DGCR2: variants seen among roughly 807,000 people sequenced by gnomAD.
DGCR2 encodes integral membrane protein DGCR2/IDD.
In DGCR2, 24 loss-of-function variants were observed where a neutral mutation model predicts 51.6. The observed-to-expected ratio is 0.47, with a 90% CI of 0.34 to 0.65. The LOEUF is 0.65. Among genes scored for constraint, DGCR2 ranks in the 30% least tolerant of loss-of-function variants. The pLI is 0.01. For missense variants in DGCR2, 765 were observed against 772.1 expected (o/e 0.99, Z 0.11); for synonymous variants, 340 against 315.4 (o/e 1.08, Z -0.82).
intron 3 of DGCR2, among the ~76,000 whole-genome samples, chr22:19,065,597 G>A (rs977339391): frequency 8.5e-5 from 13 of 152,054 alleles, no homozygotes; most frequent in East Asian, 1.9e-4. Flanking sequence ...TCCCACAGCC[G>A]AAAAAAATAA....
chr22:19,088,721 A>G (rs1282769275), intron 2 of DGCR2, among the ~76,000 whole-genome samples: 1 of 152,196 alleles, frequency 6.6e-6, no homozygotes, highest in African/African-American at 2.4e-5. Context: ...ACACACATGC[A>G]CAAGTACTCA....
chr22:19,117,159 C>T (rs1018245000), intron 1 of DGCR2, among the ~76,000 whole-genome samples: 41 of 152,190 alleles, frequency 2.7e-4, no homozygotes, highest in African/African-American at 8.9e-4. Flanking sequence ...AGGACACCTG[C>T]ACAAACAAAT....
At chr22:19,079,444 A>G (rs910351927) in intron 2 of DGCR2, among the ~76,000 whole-genome samples, 2 of 152,224 alleles carry the variant, frequency 1.3e-5, no homozygotes, top group Non-Finnish European at 2.9e-5. Context: ...CAGAGCTTCT[A>G]TAAAGTTATT....
intron 2 of DGCR2, among the ~76,000 whole-genome samples, chr22:19,069,020 A>G (rs1329026831): frequency 6.6e-6 from 1 of 152,198 alleles, no homozygotes; most frequent in Non-Finnish European, 1.5e-5. Flanking sequence ...GGAGTGACTT[A>G]CCCAAGGCCA....
At chr22:19,104,133 T>C (rs1393114707) in intron 1 of DGCR2, among the ~76,000 whole-genome samples, 1 of 152,092 alleles carries the variant, frequency 6.6e-6, no homozygotes, top group Non-Finnish European at 1.5e-5. Context: ...ACCTTATGCT[T>C]GTGAGGATGA....
chr22:19,067,420 CAG>C (rs1224545936), intron 3 of DGCR2, among the ~76,000 whole-genome samples: 1 of 152,098 alleles, frequency 6.6e-6, no homozygotes, highest in Non-Finnish European at 1.5e-5. Flanking sequence ...TGGCTGGACA[CAG>C]TGGCTCATGC....
chr22:19,096,106 G>A (rs2083136982), intron 1 of DGCR2, among the ~76,000 whole-genome samples: 1 of 152,204 alleles, frequency 6.6e-6, no homozygotes, highest in African/African-American at 2.4e-5. Context: ...ATTAGACCAA[G>A]AACCTGGAAC....
chr22:19,062,578 C>A (rs990801248), intron 5 of DGCR2, among the ~76,000 whole-genome samples: 1 of 152,112 alleles, frequency 6.6e-6, no homozygotes, highest in African/African-American at 2.4e-5. Context: ...GGGAGTGTGA[C>A]CCTGGCGGCA....
chr22:19,052,497 A>G (rs2082560122), intron 6 of DGCR2, among the ~76,000 whole-genome samples: 1 of 152,140 alleles, frequency 6.6e-6, no homozygotes, highest in South Asian at 2.1e-4. Context: ...GCGGATGTTC[A>G]CGGCAGTTTT....
intron 1 of DGCR2, among the ~76,000 whole-genome samples, chr22:19,104,744 A>G (rs2083243774): frequency 6.6e-6 from 1 of 152,164 alleles, no homozygotes; most frequent in African/African-American, 2.4e-5. Flanking sequence ...GCCTGCTCAC[A>G]CCTGGCAGTA....
At chr22:19,101,586 C>T (rs973498523) in intron 1 of DGCR2, among the ~76,000 whole-genome samples, 1 of 151,950 alleles carries the variant, frequency 6.6e-6, no homozygotes, top group African/African-American at 2.4e-5. Flanking sequence ...ACCAAAAGTA[C>T]AAAAGTTAGC....
At chr22:19,104,722 C>G (rs1207785706) in intron 1 of DGCR2, among the ~76,000 whole-genome samples, 2 of 152,228 alleles carry the variant, frequency 1.3e-5, no homozygotes, top group African/African-American at 4.8e-5. Flanking sequence ...AAGGTTCCAG[C>G]ATCCCTGGCA....
At chr22:19,044,373 A>G (rs937437459) in intron 7 of DGCR2, among the ~76,000 whole-genome samples, 4 of 152,208 alleles carry the variant, frequency 2.6e-5, no homozygotes, top group African/African-American at 9.6e-5. Flanking sequence ...GTGCAAGAAG[A>G]GCTCCAGTGA....
rs1019960319 is a variant in DGCR2 at position 19,064,840 on chromosome 22, G to A, written c.548+8C>T. 2.5e-6 allele frequency: 4 copies of A among 1,612,508 alleles called. No homozygotes were observed. Among genetic ancestry groups the A allele is most frequent in the Admixed American group, 1.7e-5 (1 of 60,010 alleles). The stretch of plus-strand genomic sequence containing the variant: ...TCCAGCCCCTCAGGTCCCCAATCCA[G>A]GACTCACTTGCGCTGGTCCTTCCAA... On this transcript the variant is annotated splice_region_variant and intron_variant, in intron 4 of 9. Transcript: ENST00000263196.
intron 2 of DGCR2, among the ~76,000 whole-genome samples, chr22:19,083,426 C>A (rs375445812): frequency 6.6e-6 from 1 of 152,220 alleles, no homozygotes; most frequent in East Asian, 1.9e-4. Context: ...CCTCTCAATA[C>A]TACGACTTAA....
At chr22:19,120,374 C>T (rs1194578560) in intron 1 of DGCR2, among the ~76,000 whole-genome samples, 1 of 152,198 alleles carries the variant, frequency 6.6e-6, no homozygotes, top group African/African-American at 2.4e-5. Context: ...GGACCCCACA[C>T]TCCAGGGTAT....
chr22:19,062,718 G>A (rs950556927), intron 5 of DGCR2, among the ~76,000 whole-genome samples: 6 of 150,568 alleles, frequency 4.0e-5, no homozygotes, highest in Admixed American at 6.6e-5. Context: ...CCTTTACGTC[G>A]TCTTGGTATT....
intron 6 of DGCR2, 40 bp from the exon 7 acceptor site, chr22:19,048,683 CA>C: frequency 2.5e-6 from 4 of 1,595,230 alleles, no homozygotes; most frequent in East Asian, 2.2e-5. Flanking sequence ...TATACAATGC[CA>C]AAAAAGGTAG....
rs947319149 is a variant in DGCR2, at chr22:19,041,754, G to T, written c.1159+53C>A. 4 of 1,579,376 alleles carry T rather than the reference G, an allele frequency of 2.5e-6. No individual in the cohort carries two copies. The African/African-American group carries it at 5.4e-5, about 21-fold the overall frequency. On this transcript the variant is annotated intron_variant, in intron 8 of 9. Transcript: ENST00000263196. ...GCTGGGGAGCTCATGGAGACATGGG[G>T]TGACCTGGGGTGGGGATGGGGACCA...
Sources: allele counts gnomAD v4.1 joint callset (sites outside exome capture counted in the v4.1 genomes callset), GRCh38; gene constraint gnomAD v4.1.1; transcripts MANE v1.5; gene names NCBI Gene and HGNC (gene_info 2026-07-23, HGNC 2026-07-21).